Variants in DLG2 observed in about 807,000 individuals in gnomAD.
DLG2 encodes disks large homolog 2.
Under a neutral mutation model 132.5 loss-of-function variants are expected in DLG2, and 45 were observed. That is an observed-to-expected ratio of 0.34 (90% CI 0.27 to 0.44). The LOEUF is 0.44. Ranked by LOEUF, DLG2 falls within the 20% of genes least tolerant of loss-of-function variation. The pLI is 1.00. For synonymous variants in DLG2, 424 were observed against 419.6 expected, an observed-to-expected ratio of 1.01 and a Z score of -0.13; for missense variants, 1,045 against 1,196.9, an observed-to-expected ratio of 0.87 and a Z score of 1.87.
At chr11:85,511,173 GA>G (rs2094058317) in intron 3 of DLG2, among the ~76,000 whole-genome samples, 1 of 152,020 alleles carries the variant, frequency 6.6e-6, no homozygotes, top group East Asian at 1.9e-4. Flanking sequence ...ATTGAACAAT[GA>G]GAACACATGG....
intron 3 of DLG2, among the ~76,000 whole-genome samples, chr11:85,506,371 C>A (rs993259918): frequency 6.6e-6 from 1 of 152,184 alleles, no homozygotes; most frequent in Non-Finnish European, 1.5e-5. Context: ...AAATTTCCCT[C>A]TACACACTGC....
At chr11:85,587,206 G>A (rs911928106) in intron 3 of DLG2, among the ~76,000 whole-genome samples, 1 of 152,086 alleles carries the variant, frequency 6.6e-6, no homozygotes, top group African/African-American at 2.4e-5. Context: ...GTAAATATTT[G>A]TTAAGTCCAT....
intron 6 of DLG2, among the ~76,000 whole-genome samples, chr11:84,569,304 C>T (rs992516342): frequency 2.6e-5 from 4 of 152,036 alleles, no homozygotes; most frequent in Admixed American, 6.6e-5. Context: ...CTCAAATGCA[C>T]GGACAACATA....
rs115954882 is a variant in DLG2, at chr11:85,374,012, G to A, written c.41-88647C>T. On this transcript the variant is annotated intron_variant, in intron 3 of 27. Coordinates refer to ENST00000376104, the MANE Select transcript of DLG2 (RefSeq NM_001142699.3). The stretch of plus-strand genomic sequence containing the variant: ...ACATTCTCACTAACTCATAAGTATT[G>A]TTCCTGAGCACACTTCCTAATAAAC... 2.2e-3 allele frequency among the ~76,000 whole-genome samples: 331 copies of A among 152,206 alleles called. 1 individual carries two copies. Among genetic ancestry groups the A allele is most frequent in the African/African-American group, 7.7e-3 (321 of 41,532 alleles).
rs7125273 is a variant in DLG2, at chr11:84,400,522, C to T, written c.519+134048G>A. On this transcript the variant is annotated intron_variant, in intron 7 of 27. Transcript: ENST00000376104. ...TGCTAATTTGTTTGTCTCTCCAACACGTCTTCTTAGGCTCCTATGCCCACT... is the reference window on the plus strand; with the variant it reads ...TGCTAATTTGTTTGTCTCTCCAACATGTCTTCTTAGGCTCCTATGCCCACT... Among the ~76,000 whole-genome samples, 649 of 152,260 alleles carry T rather than the reference C, an allele frequency of 4.3e-3. 7 individuals are homozygous for T. The highest frequency in any genetic ancestry group is 0.015 in the African/African-American group (604 of 41,550).
At chr11:84,489,400 G>A (rs1242328985) in intron 7 of DLG2, among the ~76,000 whole-genome samples, 1 of 151,986 alleles carries the variant, frequency 6.6e-6, no homozygotes, top group African/African-American at 2.4e-5. Flanking sequence ...ATTTAAAAAT[G>A]TGTTTCTGAA....
intron 7 of DLG2, among the ~76,000 whole-genome samples, chr11:84,358,973 G>C (rs941296903): frequency 6.6e-6 from 1 of 151,848 alleles, no homozygotes; most frequent in Admixed American, 6.6e-5. Context: ...TTACTTGTCA[G>C]TTTTATGGGG....
At chr11:84,360,414 C>T (rs182770228) in intron 7 of DLG2, among the ~76,000 whole-genome samples, 23 of 151,916 alleles carry the variant, frequency 1.5e-4, no homozygotes, top group Admixed American at 6.6e-5. Flanking sequence ...AAATTAGCTA[C>T]GAGGGAAATT....
In DLG2 at chr11:84,814,911, G is replaced by C. The variant is rs184911371; in HGVS notation, c.358-280180C>G. On this transcript the variant is annotated intron_variant, in intron 6 of 27. Coordinates refer to ENST00000376104, the MANE Select transcript of DLG2 (RefSeq NM_001142699.3). ...GCTTTATTTTTTGAAGACATGCTTT[G>C]ATGAGCCTATTTAACATATAGATGC... 1.1e-4 allele frequency among the ~76,000 whole-genome samples: 17 copies of C among 152,212 alleles called. No homozygotes were observed. In the East Asian group the frequency reaches 3.1e-3, roughly 28 times the overall value.
chr11:84,773,944 C>G (rs1270041219), intron 6 of DLG2, among the ~76,000 whole-genome samples: 1 of 152,080 alleles, frequency 6.6e-6, no homozygotes, highest in African/African-American at 2.4e-5. Context: ...CCAGAGTAAT[C>G]AGACAAGAGA....
intron 18 of DLG2, among the ~76,000 whole-genome samples, chr11:83,734,968 G>A (rs1291646287): frequency 6.6e-6 from 1 of 152,054 alleles, no homozygotes; most frequent in African/African-American, 2.4e-5. Context: ...CACAGATTGT[G>A]CAGAACTTGT....
At chr11:84,131,330 T>C (rs1313885823) in intron 9 of DLG2, among the ~76,000 whole-genome samples, 1 of 151,994 alleles carries the variant, frequency 6.6e-6, no homozygotes, top group East Asian at 1.9e-4. Flanking sequence ...AAATATGCCA[T>C]AGCATCTTCT....
intron 7 of DLG2, among the ~76,000 whole-genome samples, chr11:84,303,870 GTAA>G (rs372559228): frequency 6.6e-6 from 1 of 152,134 alleles, no homozygotes; most frequent in East Asian, 1.9e-4. Context: ...TGCATAATCA[GTAA>G]TAATAATAAA....
At chr11:84,105,102 T>A (rs2092809913) in intron 9 of DLG2, among the ~76,000 whole-genome samples, 1 of 152,162 alleles carries the variant, frequency 6.6e-6, no homozygotes, top group African/African-American at 2.4e-5. Context: ...ATTCAAAAAC[T>A]AATGCAATGG....
chr11:84,277,000 CCTTTAACTT>C (rs1246237403), intron 7 of DLG2, among the ~76,000 whole-genome samples: 2 of 152,124 alleles, frequency 1.3e-5, no homozygotes, highest in Non-Finnish European at 1.5e-5. Context: ...ATTCTTATAG[CCTTTAACTT>C]CCAGGCCATA....
chr11:84,481,038 C>T (rs1012990463), intron 7 of DLG2, among the ~76,000 whole-genome samples: 12 of 151,504 alleles, frequency 7.9e-5, no homozygotes, highest in African/African-American at 2.9e-4. Context: ...TGTGCCTGGC[C>T]CAGTAATCTC....
chr11:83,795,067 T>G (rs2042449328), intron 17 of DLG2, among the ~76,000 whole-genome samples: 1 of 152,172 alleles, frequency 6.6e-6, no homozygotes, highest in Non-Finnish European at 1.5e-5. Context: ...ACAATTTCAT[T>G]TATTGCTACC....
intron 4 of DLG2, among the ~76,000 whole-genome samples, chr11:85,272,781 A>AGCCCG (rs2077621893): frequency 6.6e-6 from 1 of 152,214 alleles, no homozygotes; most frequent in East Asian, 1.9e-4. Flanking sequence ...ACCAAAAAAG[A>AGCCCG]GCCCGCATCA....
At chr11:84,741,378 A>G (rs944659668) in intron 6 of DLG2, among the ~76,000 whole-genome samples, 1 of 152,100 alleles carries the variant, frequency 6.6e-6, no homozygotes, top group Non-Finnish European at 1.5e-5. Flanking sequence ...TAAGAGTAAC[A>G]GCCCCATGAT....
Sources: gnomAD v4.1 joint callset for allele counts (sites outside exome capture counted in the v4.1 genomes callset) on GRCh38, gnomAD v4.1.1 for gene constraint, MANE v1.5 for transcripts, NCBI Gene and HGNC (gene_info 2026-07-23, HGNC 2026-07-21) for gene names.